The following ABLIM1 variants were observed in gnomAD, a reference collection of about 807,000 sequenced individuals.
ABLIM1 encodes the protein actin binding LIM protein 1, also known as actin-binding LIM protein 1.
Under a neutral mutation model 107.0 loss-of-function variants are expected in ABLIM1, and 40 were observed. That is an observed-to-expected ratio of 0.37 (90% confidence interval 0.29 to 0.49). The LOEUF is 0.49. ABLIM1 is among the 20% of genes least tolerant of loss of function. ABLIM1 has a pLI of 0.97. For synonymous variants in ABLIM1, 357 were observed against 357.3 expected, an observed-to-expected ratio of 1.00 and a Z score of 0.01; for missense variants, 857 against 1,008.5, an observed-to-expected ratio of 0.85 and a Z score of 2.04.
In ABLIM1 at chr10:114,719,746, G is replaced by A. The variant is rs367737077; in HGVS notation, c.-213+48315C>T. ...TCAGGCTCCCTGCTTTAGCATTCTGGTGGCCTCTGTGAAAAATCCCGTCTT... is the reference window on the plus strand; with the variant it reads ...TCAGGCTCCCTGCTTTAGCATTCTGATGGCCTCTGTGAAAAATCCCGTCTT... On this transcript the variant is annotated intron_variant, in intron 1 of 15. Coordinates refer to the ABLIM1 transcript ENST00000651092. 4.7e-4 allele frequency among the ~76,000 whole-genome samples: 72 copies of A among 152,252 alleles called. No homozygotes were observed. The South Asian group carries it at 0.015, about 31-fold the overall frequency.
chr10:114,474,105 G>T, intron 8 of ABLIM1, 149 bp from the exon 9 acceptor site: 1 of 610,730 alleles, frequency 1.6e-6, no homozygotes, highest in South Asian at 2.4e-5. Flanking sequence ...AACCTAGAAG[G>T]AAAGGTAAAT....
At chr10:114,600,531 G>A (rs1034053153) in intron 2 of ABLIM1, among the ~76,000 whole-genome samples, 12 of 152,042 alleles carry the variant, frequency 7.9e-5, no homozygotes, top group Non-Finnish European at 1.0e-4. Context: ...CATGTATTTC[G>A]TGGTCACTAG....
intron 12 of ABLIM1, chr10:114,462,930 G>T: frequency 8.6e-7 from 1 of 1,159,258 alleles, no homozygotes; most frequent in Non-Finnish European, 1.2e-6. Context: ...ACGCAGGCAT[G>T]CTGAGAGCTC....
At chr10:114,761,408 C>T (rs1440505039) in intron 1 of ABLIM1, among the ~76,000 whole-genome samples, 1 of 152,176 alleles carries the variant, frequency 6.6e-6, no homozygotes, top group African/African-American at 2.4e-5. Context: ...TATCACCTCT[C>T]TGCCCCAGCT....
chr10:114,575,694 TCTC>T, intron 2 of ABLIM1, 95 bp from the exon 3 acceptor site: 1 of 869,020 alleles, frequency 1.2e-6, no homozygotes, highest in South Asian at 2.1e-5. Context: ...CACCCTGTGA[TCTC>T]AATGGTTTGG....
intron 13 of ABLIM1, 87 bp downstream of exon 13, chr10:114,453,292 A>G: frequency 7.2e-7 from 1 of 1,395,116 alleles, no homozygotes; most frequent in Non-Finnish European, 1.0e-6. Context: ...CAATTAAAAG[A>G]GCATGAGAGA....
chr10:114,443,983 G>T (rs756957219), intron 17 of ABLIM1, 46 bp downstream of exon 17: 7 of 1,499,406 alleles, frequency 4.7e-6, no homozygotes, highest in Non-Finnish European at 6.4e-6. Flanking sequence ...CTTACAAGCA[G>T]GTGGCTGGCT....
Position 114,584,135 on chromosome 10 carries a change from A to AAAAAGAAAAGAAAAGAAAAGAAAAG in ABLIM1, c.380-8561_380-8537dup, listed in dbSNP as rs59128795. Among the ~76,000 whole-genome samples the AAAAAGAAAAGAAAAGAAAAGAAAAG allele has an allele frequency of 1.7e-3, 249 of 149,306 alleles. 1 individual carries two copies. The highest frequency in any genetic ancestry group is 5.7e-3 in the African/African-American group (233 of 40,652). ...TCTAAAGTAAAAGTCAAAATTAAGA[A>AAAAAGAAAAGAAAAGAAAAGAAAAG]AAAAGAAAAGAAAAGAAAAGAAAAG... On this transcript the variant is annotated intron_variant, in intron 2 of 22. Transcript: ENST00000533213.
Position 114,707,290 on chromosome 10 carries a change from T to C in ABLIM1, c.-213+60771A>G, listed in dbSNP as rs2081443409. Among the ~76,000 whole-genome samples, 1 of 152,172 alleles carries C rather than the reference T, an allele frequency of 6.6e-6. No individual in the cohort carries two copies. Among genetic ancestry groups the C allele is most frequent in the Non-Finnish European group, 1.5e-5 (1 of 68,034 alleles). ...CACTGTCACCCAAGATGGAGTGCAG[T>C]GGTGCAGTCTCAGCTCACTGCAATC... On this transcript the variant is annotated intron_variant, in intron 1 of 15. Transcript: ENST00000651092. This position sits in a 1 kb window ranked among gnomAD's most constrained non-coding sequence, Gnocchi z 4.1.
intron 1 of ABLIM1, among the ~76,000 whole-genome samples, chr10:114,724,682 GAAGTCCTGCCTT>G (rs2081920832): frequency 2.0e-5 from 3 of 152,326 alleles, no homozygotes; most frequent in African/African-American, 7.2e-5. Flanking sequence ...AGAGCTCTGA[GAAGTCCTGCCTT>G]CCTCTCACGA....
chr10:114,494,290 T>C (rs191152687), intron 6 of ABLIM1, among the ~76,000 whole-genome samples: 149 of 152,338 alleles, frequency 9.8e-4, no homozygotes, highest in Non-Finnish European at 1.9e-3. Context: ...CCCAGCACTT[T>C]GGGAGACGTA....
At chr10:114,438,833 A>G (rs896403270) in intron 21 of ABLIM1, among the ~76,000 whole-genome samples, 2 of 152,240 alleles carry the variant, frequency 1.3e-5, no homozygotes, top group East Asian at 1.9e-4. Flanking sequence ...AGGGCTTTCA[A>G]TGGTGAAACA....
chr10:114,620,757 T>G (rs2077415710), intron 1 of ABLIM1, among the ~76,000 whole-genome samples: 1 of 152,164 alleles, frequency 6.6e-6, no homozygotes, highest in Non-Finnish European at 1.5e-5. Context: ...TTGCCAATAT[T>G]TAAACATCTG....
intron 7 of ABLIM1, 23 bp downstream of exon 7, chr10:114,491,768 T>A: frequency 6.3e-7 from 1 of 1,585,820 alleles, no homozygotes; most frequent in Non-Finnish European, 8.6e-7. Flanking sequence ...GGAAAACTTC[T>A]AGTGTTCTTG....
chr10:114,591,714 T>A (rs1043945477), intron 2 of ABLIM1, among the ~76,000 whole-genome samples: 6 of 152,188 alleles, frequency 3.9e-5, no homozygotes, highest in Non-Finnish European at 7.3e-5. Context: ...AATAACTATC[T>A]ATAAATAGTA....
chr10:114,635,586 A>AC (rs1207741149), intron 1 of ABLIM1, among the ~76,000 whole-genome samples: 2 of 152,184 alleles, frequency 1.3e-5, no homozygotes, highest in Non-Finnish European at 2.9e-5. Flanking sequence ...GTGCAGTGGC[A>AC]CATCTCAGGT....
chr10:114,688,051 G>A (rs951268), upstream of ABLIM1, among the ~76,000 whole-genome samples: 54,475 of 151,812 alleles, frequency 0.36, 11,200 homozygotes, highest in African/African-American at 0.57. Context: ...GGTTTTTGCC[G>A]TTGAAAGTAA....
At chr10:114,451,965 G>A (rs1240637545) in intron 13 of ABLIM1, among the ~76,000 whole-genome samples, 1 of 152,098 alleles carries the variant, frequency 6.6e-6, no homozygotes, top group Non-Finnish European at 1.5e-5. Flanking sequence ...GATTAAAACA[G>A]GAAGAAACGC....
intron 12 of ABLIM1, chr10:114,465,439 A>C (rs182645612): frequency 3.4e-6 from 1 of 298,156 alleles, no homozygotes; most frequent in Non-Finnish European, 5.8e-6. Flanking sequence ...AAAAATTTTT[A>C]AAAAAACCCC....
Sources: gnomAD v4.1 joint callset for allele counts (sites outside exome capture counted in the v4.1 genomes callset) on GRCh38, gnomAD v4.1.1 for gene constraint, Gnocchi (gnomAD v3.1) non-coding constraint, MANE v1.5 for transcripts, NCBI Gene and HGNC (gene_info 2026-07-23, HGNC 2026-07-21) for gene names.